GYPB: variants seen among roughly 807,000 people sequenced by gnomAD.
GYPB encodes the protein glycophorin-B.
A neutral mutation model predicts 15.3 loss-of-function variants in GYPB; 13 were observed. The ratio of observed to expected loss-of-function variants is 0.85; its 90% CI spans 0.55 to 1.35. The LOEUF (loss-of-function observed/expected upper bound fraction) is 1.35. Ranked by LOEUF, GYPB falls within the 40% of genes most tolerant of loss-of-function variation. The pLI is 0.00. For missense variants in GYPB, 131 were observed against 108.3 expected (o/e 1.21, Z -0.93); for synonymous variants, 38 against 36.9 (o/e 1.03, Z -0.11).
At chr4:144,009,169 G>A (rs574315792) in intron 1 of GYPB, among the ~76,000 whole-genome samples, 43 of 151,386 alleles carry the variant, frequency 2.8e-4, no homozygotes, top group Admixed American at 2.6e-3. Flanking sequence ...ATCAGTGTGT[G>A]AAACAGACAG....
intron 4 of GYPB, among the ~76,000 whole-genome samples, chr4:143,996,923 T>C (rs947413543): frequency 4.0e-5 from 6 of 151,206 alleles, no homozygotes; most frequent in Non-Finnish European, 5.9e-5. Flanking sequence ...TATATATTTA[T>C]TGAGACATGG....
chr4:143,996,042 T>C, downstream of GYPB: 2 of 956,348 alleles, frequency 2.1e-6, no homozygotes, highest in Admixed American at 6.2e-5. Context: ...TCTATCCTAC[T>C]GTAATGGGCT....
At position 144,000,835 on chromosome 4, in the gene GYPB, G is replaced by C. The variant is rs1448039395; in HGVS notation, c.136+350C>G. ...CAACTCACCCTGGGTCAGCAGCTGG[G>C]ATAGAGCTGAGCCCAGGTCTGAGCT... On this transcript the variant is annotated intron_variant, in intron 2 of 4. Coordinates refer to ENST00000502664, the MANE Select transcript of GYPB (RefSeq NM_002100.6). 2.1e-3 allele frequency among the ~76,000 whole-genome samples: 311 copies of C among 151,252 alleles called. 5 individuals are homozygous for C. Among genetic ancestry groups the C allele is most frequent in the African/African-American group, 5.7e-3 (231 of 40,562 alleles).
intron 1 of GYPB, among the ~76,000 whole-genome samples, chr4:144,009,253 G>T (rs1728087695): frequency 6.6e-6 from 1 of 151,266 alleles, no homozygotes; most frequent in Admixed American, 6.6e-5. Context: ...TCTCCACCTG[G>T]CAGCTTCAGA....
chr4:144,005,036 A>T (rs1459842726), intron 1 of GYPB, among the ~76,000 whole-genome samples: 6 of 151,962 alleles, frequency 3.9e-5, no homozygotes, highest in African/African-American at 1.5e-4. Context: ...TTGCCTTTGG[A>T]GCTCTCAGCT....
At chr4:143,999,582 C>T (rs1266605175) in intron 2 of GYPB, 133 bp from the exon 3 acceptor site, 1 of 603,622 alleles carries the variant, frequency 1.7e-6, no homozygotes, top group East Asian at 3.0e-5. Flanking sequence ...CAACTTTCAA[C>T]ATCTAGCTAG....
intron 3 of GYPB, chr4:143,999,187 G>A (rs530673736): frequency 2.4e-6 from 1 of 424,012 alleles, no homozygotes; most frequent in Non-Finnish European, 4.3e-6. Context: ...GGGATTATAG[G>A]CATGAGCCAC....
downstream of GYPB, among the ~76,000 whole-genome samples, chr4:143,995,490 T>A (rs1322063749): frequency 3.3e-5 from 5 of 151,262 alleles, no homozygotes; most frequent in Non-Finnish European, 5.9e-5. Context: ...TGCTGCACAT[T>A]GGGACCCCAG....
chr4:144,000,116 A>G (rs557589647), intron 2 of GYPB: 1 of 169,094 alleles, frequency 5.9e-6, no homozygotes, highest in East Asian at 1.7e-4. Context: ...AATTATTACA[A>G]ATTACTTAGT....
intron 1 of GYPB, among the ~76,000 whole-genome samples, chr4:144,005,908 G>A (rs1221870876): frequency 1.3e-5 from 2 of 151,452 alleles, no homozygotes; most frequent in Admixed American, 6.6e-5. Flanking sequence ...GAAATAGCAT[G>A]GGCTAACATA....
At chr4:144,002,166 A>G (rs1330828587) in intron 1 of GYPB, among the ~76,000 whole-genome samples, 6 of 151,374 alleles carry the variant, frequency 4.0e-5, no homozygotes, top group Non-Finnish European at 8.8e-5. Context: ...CAAAAGTAAT[A>G]TAGATTCAAT....
chr4:144,008,575 C>A, intron 1 of GYPB: 1 of 445,948 alleles, frequency 2.2e-6, no homozygotes, highest in South Asian at 1.6e-5. Context: ...CTAAAGAATC[C>A]TCAGAACAAA....
chr4:144,016,969 T>G (rs1269103309), intron 1 of GYPB: 6 of 372,350 alleles, frequency 1.6e-5, no homozygotes, highest in Non-Finnish European at 3.1e-5. Context: ...GGCATTCATG[T>G]TTATCATCTT....
chr4:144,001,269 A>G lies in GYPB; in HGVS notation c.52T>C (p.Ser18Pro), dbSNP rs1451405285. ...VLLLSEIVSI[S>P]ALSTTEVAMH... ...GCCACCTCAGTGGTACTTAATGCTGATATGCTCACAATTTCTGTATAAAAT... is the reference window on the plus strand; with the variant it reads ...GCCACCTCAGTGGTACTTAATGCTGGTATGCTCACAATTTCTGTATAAAAT... The change falls in exon 2 of 5, where the codon TCA (serine) becomes CCA (proline). Residue 18 changes from serine (S) to proline (P), a missense_variant. Transcript: ENST00000502664. The G allele has an allele frequency of 3.1e-6, 5 of 1,612,930 alleles. No homozygotes were observed. Among genetic ancestry groups the G allele is most frequent in the Non-Finnish European group, 3.4e-6 (4 of 1,179,806 alleles).
chr4:144,001,336 C>T, intron 1 of GYPB, 53 bp from the exon 2 acceptor site: 4 of 1,612,212 alleles, frequency 2.5e-6, no homozygotes, highest in Non-Finnish European at 2.5e-6. Flanking sequence ...ACTGAGCAGA[C>T]CATAAAGCAT....
chr4:143,996,535 C>T (rs965321442), intron 4 of GYPB, among the ~76,000 whole-genome samples: 1 of 151,070 alleles, frequency 6.6e-6, no homozygotes, highest in African/African-American at 2.5e-5. Context: ...GAGGCCAAGG[C>T]AGGTGGATCA....
intron 3 of GYPB, among the ~76,000 whole-genome samples, chr4:143,998,716 T>C (rs1182805191): frequency 7.2e-6 from 1 of 138,850 alleles, no homozygotes; most frequent in Non-Finnish European, 1.5e-5. Context: ...ACAGTACCAG[T>C]TAATTAGATG....
intron 1 of GYPB, 144 bp from the exon 2 acceptor site, chr4:144,001,427 G>C: frequency 6.9e-7 from 1 of 1,454,026 alleles, no homozygotes; most frequent in Non-Finnish European, 9.4e-7. Flanking sequence ...AATCTTTAGA[G>C]AATTGCTGCG....
chr4:144,004,061 C>G (rs917883610), intron 1 of GYPB, among the ~76,000 whole-genome samples: 1 of 151,520 alleles, frequency 6.6e-6, no homozygotes, highest in Non-Finnish European at 1.5e-5. Flanking sequence ...CCTATTTGTA[C>G]CCTTACAAAA....
Sources: gnomAD v4.1 joint callset for allele counts (sites outside exome capture counted in the v4.1 genomes callset) on GRCh38, gnomAD v4.1.1 for gene constraint, MANE v1.5 for transcripts, NCBI Gene and HGNC (gene_info 2026-07-23, HGNC 2026-07-21) for gene names.